The following NDUFC2 variants were observed in gnomAD, a reference collection of about 807,000 sequenced individuals.
NDUFC2 encodes NADH:ubiquinone oxidoreductase subunit C2.
Under a neutral mutation model 10.1 loss-of-function variants are expected in NDUFC2, and 2 were observed. That is an observed-to-expected ratio of 0.20 (90% CI 0.08 to 0.62). The LOEUF (loss-of-function observed/expected upper bound fraction) is 0.62. NDUFC2 is among the 20% of genes least tolerant of loss of function. The pLI is 0.87. For missense variants in NDUFC2, 156 were observed against 159.6 expected, an observed-to-expected ratio of 0.98 and a Z score of 0.12; for synonymous variants, 61 against 63.6, an observed-to-expected ratio of 0.96 and a Z score of 0.20.
chr11:78,073,777 G>A (rs892409540), intron 1 of NDUFC2, among the ~76,000 whole-genome samples: 1 of 142,370 alleles, frequency 7.0e-6, no homozygotes, highest in African/African-American at 2.6e-5. Flanking sequence ...ACTCCAGCCT[G>A]GGGGACGGAG....
At chr11:78,071,701 T>G (rs1342455963) in intron 2 of NDUFC2, among the ~76,000 whole-genome samples, 2 of 152,172 alleles carry the variant, frequency 1.3e-5, no homozygotes, top group African/African-American at 4.8e-5. Context: ...CATAGCAGAC[T>G]AGAGATAGAG....
chr11:78,071,288 C>T (rs1267611267), intron 2 of NDUFC2, among the ~76,000 whole-genome samples: 4 of 134,174 alleles, frequency 3.0e-5, no homozygotes, highest in South Asian at 2.4e-4. Flanking sequence ...GACAGGGTCT[C>T]GCTCTGTCAC....
chr11:78,068,359 A>C lies in NDUFC2; in HGVS notation c.*1628T>G, dbSNP rs1475381909. 6.6e-6 allele frequency: 1 copy of C among 152,224 alleles called. No individual in the cohort carries two copies. The highest frequency in any genetic ancestry group is 1.5e-5 in the Non-Finnish European group (1 of 68,034). 9.4% of individuals were successfully genotyped at this position (152,224 alleles called of 1,614,324 possible). ...AAAATCCAAAGCCTTGTATTTGTAC[A>C]TCTTTATTATTTCTAAAGCACTTTC... is the stretch of plus-strand genomic sequence containing the variant. On this transcript the variant is annotated 3_prime_UTR_variant, in exon 3 of 3. Transcript: ENST00000281031.
rs1590789469 is a variant in NDUFC2, at chr11:78,079,577, A to T, written c.166+2T>A. 2 of 1,550,080 alleles carry T rather than the reference A, an allele frequency of 1.3e-6. No homozygotes were observed. Among genetic ancestry groups the T allele is most frequent in the East Asian group, 2.4e-5 (1 of 40,972 alleles). Reference sequence around the variant, plus strand: ...AGCCGATCCCGGCCGCGCAGCACTCACCAGCCGTCGCGATCGGCCTCCGCC... The same window carrying T: ...AGCCGATCCCGGCCGCGCAGCACTCTCCAGCCGTCGCGATCGGCCTCCGCC... On this transcript the variant is annotated splice_donor_variant, in intron 1 of 2. Coordinates refer to ENST00000281031, the MANE Select transcript of NDUFC2 (RefSeq NM_004549.6). LOFTEE classifies it high-confidence loss of function.
rs144549427 is a variant in NDUFC2, at chr11:78,075,920, C to A, written c.167-2779G>T. Among the ~76,000 whole-genome samples the A allele has an allele frequency of 3.4e-3, 525 of 152,242 alleles. 3 individuals carry two copies. Among genetic ancestry groups the A allele is most frequent in the Non-Finnish European group, 2.9e-3 (198 of 68,020 alleles). ...CCCATTACTCACAGAATGCCAGGTA[C>A]TCGCCAGGGCTGTAGTTTGAAAATC... On this transcript the variant is annotated intron_variant, in intron 1 of 2. Coordinates refer to ENST00000281031, the MANE Select transcript of NDUFC2 (RefSeq NM_004549.6).
chr11:78,076,004 C>T (rs1859231824), intron 1 of NDUFC2, among the ~76,000 whole-genome samples: 1 of 152,204 alleles, frequency 6.6e-6, no homozygotes, highest in African/African-American at 2.4e-5. Flanking sequence ...ATGTGACACA[C>T]ACCTTCACTC....
chr11:78,078,143 A>G (rs1859327041), intron 1 of NDUFC2, among the ~76,000 whole-genome samples: 1 of 152,178 alleles, frequency 6.6e-6, no homozygotes, highest in African/African-American at 2.4e-5. Context: ...GGTGACTCCT[A>G]ATTGCCTGAA....
chr11:78,076,256 C>A (rs1263510850), intron 1 of NDUFC2, among the ~76,000 whole-genome samples: 1 of 152,090 alleles, frequency 6.6e-6, no homozygotes, highest in East Asian at 1.9e-4. Flanking sequence ...ATTCTCCAGC[C>A]TCTGCCTCCC....
intron 2 of NDUFC2, 118 bp from the exon 3 acceptor site, chr11:78,070,154 G>T: frequency 1.4e-6 from 1 of 717,996 alleles, no homozygotes; most frequent in Non-Finnish European, 2.3e-6. Flanking sequence ...TGGTCTGAAT[G>T]TTCATGTCCC....
intron 1 of NDUFC2, 33 bp downstream of exon 1, chr11:78,079,543 TCTC>T (rs1859419527): frequency 6.5e-7 from 1 of 1,544,778 alleles, no homozygotes; most frequent in Non-Finnish European, 8.7e-7. Context: ...TACGACCCCT[TCTC>T]CTCCCAGCCG....
At chr11:78,070,378 T>C (rs1200001451) in intron 2 of NDUFC2, among the ~76,000 whole-genome samples, 1 of 152,176 alleles carries the variant, frequency 6.6e-6, no homozygotes, top group Non-Finnish European at 1.5e-5. Flanking sequence ...GCTGGTACCC[T>C]GATCTTGGAC....
intron 2 of NDUFC2, 84 bp downstream of exon 2, chr11:78,072,914 T>C: frequency 3.9e-6 from 6 of 1,536,832 alleles, no homozygotes; most frequent in East Asian, 2.3e-5. Flanking sequence ...TTAGAAGGTA[T>C]CTAAAGCCAT....
intron 1 of NDUFC2, among the ~76,000 whole-genome samples, chr11:78,079,123 A>AAAAC (rs1565335032): frequency 6.6e-6 from 1 of 151,560 alleles, no homozygotes; most frequent in African/African-American, 2.4e-5. Context: ...CAAAAAAAAA[A>AAAAC]AAAACCAAGC....
rs777359231 is a variant in NDUFC2, at chr11:78,072,963, G to C, written c.310+35C>G. ...ATTAACCAGGGAAAATAATAATACA[G>C]TAAACACAGATTATCTAAAATTAAC... On this transcript the variant is annotated intron_variant, in intron 2 of 2. Coordinates refer to ENST00000281031, the MANE Select transcript of NDUFC2 (RefSeq NM_004549.6). 8.7e-6 allele frequency: 14 copies of C among 1,603,312 alleles called. No individual in the cohort carries two copies. In the East Asian group the frequency reaches 3.1e-4, roughly 36 times the overall value.
At chr11:78,074,081 T>C (rs1462606163) in intron 1 of NDUFC2, among the ~76,000 whole-genome samples, 1 of 151,352 alleles carries the variant, frequency 6.6e-6, no homozygotes, top group Non-Finnish European at 1.5e-5. Flanking sequence ...GGTCTTGCTA[T>C]GTTTCCCAGA....
chr11:78,072,366 C>T (rs573255432), intron 2 of NDUFC2, among the ~76,000 whole-genome samples: 3 of 152,286 alleles, frequency 2.0e-5, no homozygotes, highest in African/African-American at 4.8e-5. Context: ...CTAATAGAGA[C>T]AGGGTTTCGC....
intron 1 of NDUFC2, among the ~76,000 whole-genome samples, chr11:78,074,979 G>T (rs1859181428): frequency 6.6e-6 from 1 of 152,104 alleles, no homozygotes; most frequent in South Asian, 2.1e-4. Context: ...TCTTGCCAAG[G>T]CCCCATTTTC....
chr11:78,070,098 T>G (rs1366011291), intron 2 of NDUFC2, 62 bp from the exon 3 acceptor site: 33 of 1,206,292 alleles, frequency 2.7e-5, no homozygotes, highest in Middle Eastern at 2.7e-4. Context: ...TTGTATTTCC[T>G]AAACGAAAAT....
intron 2 of NDUFC2, among the ~76,000 whole-genome samples, chr11:78,072,376 C>T (rs2136826206): frequency 6.6e-6 from 1 of 152,298 alleles, no homozygotes; most frequent in East Asian, 1.9e-4. Context: ...CAGGGTTTCG[C>T]CATGTTGGCC....
Sources: gnomAD v4.1 joint callset for allele counts (sites outside exome capture counted in the v4.1 genomes callset) on GRCh38, gnomAD v4.1.1 for gene constraint, MANE v1.5 for transcripts, NCBI Gene and HGNC (gene_info 2026-07-23, HGNC 2026-07-21) for gene names.